The following ZNRF1 variants were observed in gnomAD, a reference collection of about 807,000 sequenced individuals.
ZNRF1 encodes zinc and ring finger 1.
Under a neutral mutation model 18.4 loss-of-function variants are expected in ZNRF1, and 3 were observed. That is an observed-to-expected ratio of 0.16 (90% CI 0.07 to 0.42). The LOEUF (loss-of-function observed/expected upper bound fraction) is 0.42, where lower values mean the gene tolerates loss of function less well. Ranked by LOEUF, ZNRF1 falls within the 10% of genes least tolerant of loss-of-function variation. The pLI is 0.99. For synonymous variants in ZNRF1, 157 were observed against 144.2 expected, an observed-to-expected ratio of 1.09 and a Z score of -0.64; for missense variants, 310 against 329.8, an observed-to-expected ratio of 0.94 and a Z score of 0.47.
intron 1 of ZNRF1, among the ~76,000 whole-genome samples, chr16:75,031,955 C>T (rs933628073): frequency 6.6e-6 from 1 of 152,124 alleles, no homozygotes; most frequent in Admixed American, 6.6e-5. Flanking sequence ...TTTATACTCC[C>T]ACCAACAGTA....
At chr16:75,041,929 G>A (rs1347734914) in intron 1 of ZNRF1, among the ~76,000 whole-genome samples, 13 of 152,176 alleles carry the variant, frequency 8.5e-5, no homozygotes, top group East Asian at 1.9e-4. Flanking sequence ...CTGGGAGACG[G>A]AGGTCGCAGT....
chr16:75,015,672 C>G (rs561436692), intron 1 of ZNRF1, among the ~76,000 whole-genome samples: 8 of 152,200 alleles, frequency 5.3e-5, no homozygotes, highest in Non-Finnish European at 7.3e-5. Flanking sequence ...CAGCCTGAAA[C>G]TCCTGGAGTC....
chr16:75,064,101 C>T (rs2035774273), intron 1 of ZNRF1, among the ~76,000 whole-genome samples: 1 of 151,872 alleles, frequency 6.6e-6, no homozygotes, highest in African/African-American at 2.4e-5. Context: ...GAGTTTGAGA[C>T]CAGCCTGGGG....
At chr16:75,068,197 A>T (rs1349173339) in intron 1 of ZNRF1, among the ~76,000 whole-genome samples, 4 of 150,314 alleles carry the variant, frequency 2.7e-5, no homozygotes, top group Non-Finnish European at 5.9e-5. Flanking sequence ...TTAAAAAAAA[A>T]AAAAAAAAAA....
chr16:75,015,788 C>T (rs1035210156), intron 1 of ZNRF1, among the ~76,000 whole-genome samples: 2 of 152,032 alleles, frequency 1.3e-5, no homozygotes, highest in Middle Eastern at 3.2e-3. Flanking sequence ...GCCACAGCTC[C>T]CAGCCTATAA....
chr16:75,103,075 G>T (rs956281457), intron 2 of ZNRF1, among the ~76,000 whole-genome samples: 1 of 152,206 alleles, frequency 6.6e-6, no homozygotes, highest in Non-Finnish European at 1.5e-5. Flanking sequence ...CGCGTGAGAA[G>T]ATGTCCTGGA....
At chr16:75,076,393 C>A (rs1184279112) in intron 1 of ZNRF1, among the ~76,000 whole-genome samples, 1 of 152,076 alleles carries the variant, frequency 6.6e-6, no homozygotes, top group Non-Finnish European at 1.5e-5. Flanking sequence ...GGGACACATT[C>A]GCTAGACAGC....
intron 4 of ZNRF1, chr16:75,107,215 C>G (rs2036327667): frequency 5.7e-6 from 1 of 175,022 alleles, no homozygotes; most frequent in Admixed American, 5.5e-5. Context: ...CCAGGGGTAC[C>G]CCACTTGCTG....
intron 1 of ZNRF1, among the ~76,000 whole-genome samples, chr16:75,078,082 T>C (rs905254016): frequency 2.0e-5 from 3 of 152,208 alleles, no homozygotes; most frequent in African/African-American, 7.2e-5. Context: ...GTTGCACACA[T>C]GTTCCCATGT....
intron 1 of ZNRF1, among the ~76,000 whole-genome samples, chr16:75,026,526 G>T (rs1244494371): frequency 6.6e-6 from 1 of 152,108 alleles, no homozygotes; most frequent in Non-Finnish European, 1.5e-5. Context: ...CCTTAGCCAG[G>T]CTTAATACTT....
chr16:75,005,263 A>C (rs2034903282), intron 1 of ZNRF1, among the ~76,000 whole-genome samples: 2 of 152,338 alleles, frequency 1.3e-5, no homozygotes, highest in East Asian at 1.9e-4. Flanking sequence ...CTTAAAATAC[A>C]AAAGTTACCC....
chr16:75,026,675 C>A (rs1214835678), intron 1 of ZNRF1, among the ~76,000 whole-genome samples: 1 of 152,112 alleles, frequency 6.6e-6, no homozygotes, highest in Non-Finnish European at 1.5e-5. Flanking sequence ...GTGGCTCACC[C>A]CTGTAATCCC....
At chr16:75,056,565 A>T (rs989330617) in intron 1 of ZNRF1, among the ~76,000 whole-genome samples, 2 of 152,216 alleles carry the variant, frequency 1.3e-5, no homozygotes, top group Non-Finnish European at 2.9e-5. Context: ...GAAGTTCACA[A>T]GTATCATGAT....
intron 1 of ZNRF1, among the ~76,000 whole-genome samples, chr16:75,003,564 T>A (rs1478004179): frequency 1.3e-5 from 2 of 152,084 alleles, no homozygotes; most frequent in Non-Finnish European, 2.9e-5. Context: ...AGGTGGTTAG[T>A]AGGTGGTGGA....
chr16:75,083,777 C>G (rs1045287369), intron 1 of ZNRF1, among the ~76,000 whole-genome samples: 3 of 152,024 alleles, frequency 2.0e-5, no homozygotes, highest in Non-Finnish European at 4.4e-5. Flanking sequence ...AGGCTGCACT[C>G]CAGAGAAAAT....
intron 1 of ZNRF1, among the ~76,000 whole-genome samples, chr16:75,082,170 C>G (rs1055472407): frequency 6.6e-6 from 1 of 152,108 alleles, no homozygotes; most frequent in African/African-American, 2.4e-5. Context: ...GTGTGAGCCA[C>G]TGTACCTGGT....
chr16:75,093,873 G>C (rs1312027453), intron 2 of ZNRF1, among the ~76,000 whole-genome samples: 2 of 152,216 alleles, frequency 1.3e-5, no homozygotes, highest in Non-Finnish European at 2.9e-5. Context: ...GACAAGGAAG[G>C]AAGGCCCAGG....
At position 75,106,467 on chromosome 16, in the gene ZNRF1, G is replaced by GC. The variant is rs769396522; in HGVS notation, c.627-10dup. ...AGCAGGTAACGTGGTTTCCCTTGCGGCCCCCTCCTCCCAGCTGCATAGACT... is the reference window on the plus strand; with the variant it reads ...AGCAGGTAACGTGGTTTCCCTTGCGGCCCCCCTCCTCCCAGCTGCATAGACT... On this transcript the variant is annotated splice_polypyrimidine_tract_variant and intron_variant, in intron 3 of 4. Coordinates refer to ENST00000335325, the MANE Select transcript of ZNRF1 (RefSeq NM_032268.5). 9 of 1,613,888 alleles carry GC rather than the reference G, an allele frequency of 5.6e-6. No individual in the cohort carries two copies. The East Asian group carries it at 2.0e-4, about 36-fold the overall frequency.
chr16:75,063,823 G>A (rs1459640345), intron 1 of ZNRF1, among the ~76,000 whole-genome samples: 2 of 152,150 alleles, frequency 1.3e-5, no homozygotes, highest in African/African-American at 2.4e-5. Context: ...CGCTGCCTTT[G>A]TTCAGCAATG....
Sources: gnomAD v4.1 joint callset for allele counts (sites outside exome capture counted in the v4.1 genomes callset) on GRCh38, gnomAD v4.1.1 for gene constraint, MANE v1.5 for transcripts, NCBI Gene and HGNC (gene_info 2026-07-23, HGNC 2026-07-21) for gene names.